The following BRWD1 variants were observed in gnomAD, a reference collection of about 807,000 sequenced individuals.
BRWD1 encodes bromodomain and WD repeat-containing protein 1.
BRWD1 carries 82 observed loss-of-function variants against 251.2 expected under a neutral mutation model. That is an observed-to-expected ratio of 0.33 (90% confidence interval 0.27 to 0.39). The LOEUF is 0.39. Ranked by LOEUF, BRWD1 falls within the 10% of genes least tolerant of loss-of-function variation. The pLI is 1.00. For synonymous variants in BRWD1, 918 were observed against 902.8 expected (o/e 1.02, Z -0.30); for missense variants, 2,233 against 2,711.6 (o/e 0.82, Z 3.92).
chr21:39,225,642 C>A (rs1246471730), intron 27 of BRWD1, among the ~76,000 whole-genome samples: 1 of 152,062 alleles, frequency 6.6e-6, no homozygotes, highest in Non-Finnish European at 1.5e-5. Flanking sequence ...ATTAAAGCTA[C>A]AATTTATCCC....
intron 12 of BRWD1, among the ~76,000 whole-genome samples, chr21:39,275,715 T>C (rs905608746): frequency 2.0e-5 from 3 of 152,144 alleles, no homozygotes; most frequent in Non-Finnish European, 4.4e-5. Flanking sequence ...TCCATAAACA[T>C]AGACAATTAT....
At chr21:39,200,440 TAAGC>T (rs2032053448) in intron 38 of BRWD1, 54 bp from the exon 39 acceptor site, 2 of 1,472,360 alleles carry the variant, frequency 1.4e-6, no homozygotes, top group African/African-American at 1.4e-5. Flanking sequence ...TTTACACACA[TAAGC>T]AAGCAGTTCA....
rs775861071 is a variant in BRWD1 at position 39,265,055 on chromosome 21, T to C, written c.1531-36A>G. On this transcript the variant is annotated intron_variant, in intron 15 of 40. Coordinates refer to ENST00000342449, the MANE Select transcript of BRWD1 (RefSeq NM_033656.4). ...CAAAAGGAAAAAAGTTAGGACCAAT[T>C]CTATGCAAGTGATTTGCTATGTAAA... 2.0e-5 allele frequency: 32 copies of C among 1,596,894 alleles called. No individual in the cohort carries two copies. In the East Asian group the frequency reaches 7.2e-4, roughly 36 times the overall value.
In BRWD1 at chr21:39,258,635, T is replaced by G. The variant is rs768160443; in HGVS notation, c.1923A>C (p.Gln641His). 1 of 1,609,072 alleles carries G rather than the reference T, an allele frequency of 6.2e-7. No homozygotes were observed. The highest frequency in any genetic ancestry group is 1.1e-5 in the South Asian group (1 of 90,188). ...GEVIEQIISL[Q>H]TNDNDERSPE... ...GGCTGCGTTCATCATTATCATTGGT[T>G]TGCAGGCTTATAATTTGTTCAATCA... is the stretch of plus-strand genomic sequence containing the variant. The change falls in exon 18 of 41, where the codon CAA becomes CAC. Residue 641 changes from glutamine to histidine, a missense_variant. By Grantham distance (24) the Gln-to-His change is conservative. Transcript: ENST00000342449.
chr21:39,306,277 G>A (rs1046725588), intron 4 of BRWD1, among the ~76,000 whole-genome samples: 2 of 151,822 alleles, frequency 1.3e-5, no homozygotes, highest in Non-Finnish European at 2.9e-5. Flanking sequence ...CACCATGTTG[G>A]CCAGGATGGT....
intron 8 of BRWD1, among the ~76,000 whole-genome samples, chr21:39,286,628 C>T (rs907923320): frequency 1.3e-5 from 2 of 152,016 alleles, no homozygotes; most frequent in African/African-American, 4.8e-5. Context: ...GATTCTCCTG[C>T]CTCAGCCTCC....
chr21:39,260,210 T>C (rs2034696239), intron 17 of BRWD1, among the ~76,000 whole-genome samples: 1 of 152,132 alleles, frequency 6.6e-6, no homozygotes, highest in Non-Finnish European at 1.5e-5. Context: ...AACACAAAAT[T>C]CCTAAGATTA....
intron 4 of BRWD1, among the ~76,000 whole-genome samples, chr21:39,304,199 T>C (rs2036212357): frequency 6.6e-6 from 1 of 151,462 alleles, no homozygotes; most frequent in South Asian, 2.1e-4. Context: ...TTTTACCTTT[T>C]TGAAATCCTG....
At chr21:39,278,700 T>G in intron 10 of BRWD1, 43 bp downstream of exon 10, 1 of 1,442,996 alleles carries the variant, frequency 6.9e-7, no homozygotes, top group Non-Finnish European at 9.4e-7. Context: ...TAATAGATGT[T>G]TAAAAAAAAA....
In BRWD1 at chr21:39,189,200, A is replaced by G; in HGVS notation, c.*7059T>C. On this transcript the variant is annotated 3_prime_UTR_variant, in exon 41 of 41. Transcript: ENST00000342449. ...TAAGGTGAAATTTGCACTTTATAGT[A>G]GGATGAGAATATACTATTATCAACT... The G allele has an allele frequency of 1.0e-6, 1 of 985,282 alleles. No individual in the cohort carries two copies. Among genetic ancestry groups the G allele is most frequent in the Non-Finnish European group, 1.2e-6 (1 of 829,760 alleles). 61.0% of individuals were successfully genotyped at this position (985,282 alleles called of 1,614,324 possible).
intron 19 of BRWD1, among the ~76,000 whole-genome samples, chr21:39,254,735 A>T (rs754371054): frequency 7.9e-5 from 12 of 152,248 alleles, no homozygotes; most frequent in Non-Finnish European, 1.6e-4. Context: ...TAGAGTTAAA[A>T]ATCATGATTA....
At position 39,202,517 on chromosome 21, in the gene BRWD1, G is replaced by C; in HGVS notation, c.4393C>G (p.Gln1465Glu). Residue 1465 changes from glutamine to glutamate, a missense_variant, in exon 38 of 41, where the codon CAG becomes GAG. Coordinates refer to ENST00000342449, the MANE Select transcript of BRWD1 (RefSeq NM_033656.4). Reference sequence around the variant, plus strand: ...ACCAACTCAGGAATTATTTTTGTCTGAGATTTTAACCTCTTCGGCTTGAGG... The same window carrying C: ...ACCAACTCAGGAATTATTTTTGTCTCAGATTTTAACCTCTTCGGCTTGAGG... Reference protein sequence around the residue: ...RNLKPKRLKSQTKIIPELVGS... With the variant: ...RNLKPKRLKSETKIIPELVGS... The C allele has an allele frequency of 6.2e-7, 1 of 1,612,906 alleles. No homozygotes were observed. The highest frequency in any genetic ancestry group is 8.5e-7 in the Non-Finnish European group (1 of 1,179,006).
intron 38 of BRWD1, 59 bp downstream of exon 38, chr21:39,202,266 G>A: frequency 5.5e-6 from 7 of 1,272,116 alleles, no homozygotes; most frequent in African/African-American, 1.5e-5. Context: ...CTCTAGTAAC[G>A]GCCAGTGTTA....
At chr21:39,313,681 A>G (rs912156547), upstream of BRWD1, 11 of 370,470 alleles carry the variant, frequency 3.0e-5, no homozygotes, top group African/African-American at 6.8e-5. Context: ...CGGGAGACGA[A>G]AAGTAGTCCC....
At chr21:39,315,465 C>T (rs2036682439), upstream of BRWD1, among the ~76,000 whole-genome samples, 1 of 151,930 alleles carries the variant, frequency 6.6e-6, no homozygotes, top group South Asian at 2.1e-4. Context: ...AAACCCCCGT[C>T]TCTACTAAAA....
intron 36 of BRWD1, among the ~76,000 whole-genome samples, chr21:39,207,439 G>GA (rs1258104241): frequency 3.0e-4 from 15 of 50,790 alleles, no homozygotes; most frequent in Admixed American, 2.2e-3. Flanking sequence ...AAAAAAAAAA[G>GA]AAAAAAAAGA....
chr21:39,191,466 A>G lies in BRWD1; in HGVS notation c.*4793T>C. The G allele has an allele frequency of 2.0e-6, 2 of 981,690 alleles. No homozygotes were observed. The highest frequency in any genetic ancestry group is 2.4e-6 in the Non-Finnish European group (2 of 826,544). 60.8% of individuals were successfully genotyped at this position (981,690 alleles called of 1,614,324 possible). Reference sequence around the variant, plus strand: ...TGCTAAATTTATTATATCCCATTTAAGAACTGACAAAAATCATCTAAATGA... The same window carrying G: ...TGCTAAATTTATTATATCCCATTTAGGAACTGACAAAAATCATCTAAATGA... On this transcript the variant is annotated 3_prime_UTR_variant, in exon 41 of 41. Coordinates refer to ENST00000342449, the MANE Select transcript of BRWD1 (RefSeq NM_033656.4).
chr21:39,316,736 C>T (rs942807586), upstream of BRWD1, among the ~76,000 whole-genome samples: 2 of 152,124 alleles, frequency 1.3e-5, no homozygotes, highest in Non-Finnish European at 2.9e-5. Context: ...CCCAGGAGTT[C>T]GAGACCAGCC....
At chr21:39,230,888 C>T (rs529151649) in intron 25 of BRWD1, among the ~76,000 whole-genome samples, 8 of 151,802 alleles carry the variant, frequency 5.3e-5, no homozygotes, top group African/African-American at 1.9e-4. Context: ...TTTTTCACCA[C>T]CCTGAGCATG....
Sources: gnomAD v4.1 joint callset for allele counts (sites outside exome capture counted in the v4.1 genomes callset) on GRCh38, gnomAD v4.1.1 for gene constraint, MANE v1.5 for transcripts, NCBI Gene and HGNC (gene_info 2026-07-23, HGNC 2026-07-21) for gene names.